CPEB3: variants seen among roughly 807,000 people sequenced by gnomAD.
CPEB3 encodes the protein cytoplasmic polyadenylation element-binding protein 3.
Under a neutral mutation model 67.2 loss-of-function variants are expected in CPEB3, and 20 were observed. The observed-to-expected ratio is 0.30, with a 90% CI of 0.21 to 0.43. The LOEUF is 0.43. CPEB3 is among the 20% of genes least tolerant of loss of function. The pLI, the probability that CPEB3 is intolerant of heterozygous loss-of-function variation, is 1.00. For synonymous variants in CPEB3, 376 were observed against 393.1 expected, an observed-to-expected ratio of 0.96 and a Z score of 0.51; for missense variants, 746 against 968.6, an observed-to-expected ratio of 0.77 and a Z score of 3.05.
intron 8 of CPEB3, among the ~76,000 whole-genome samples, chr10:92,081,746 AG>A (rs1390879779): frequency 6.6e-6 from 1 of 152,232 alleles, no homozygotes; most frequent in Non-Finnish European, 1.5e-5. Context: ...TTATATAATC[AG>A]AACTTTAGCA....
chr10:92,124,794 A>G (rs1389448783), intron 6 of CPEB3, among the ~76,000 whole-genome samples: 2 of 152,220 alleles, frequency 1.3e-5, no homozygotes, highest in African/African-American at 4.8e-5. Context: ...CAAGGGAAAA[A>G]ATGTGAAGTT....
intron 2 of CPEB3, among the ~76,000 whole-genome samples, chr10:92,199,467 T>G (rs1342873055): frequency 6.7e-6 from 1 of 148,342 alleles, no homozygotes; most frequent in Non-Finnish European, 1.5e-5. Flanking sequence ...CTGGATCAAG[T>G]AGATCAAGAG....
At chr10:92,258,169 G>C (rs527559427) in intron 1 of CPEB3, among the ~76,000 whole-genome samples, 1 of 146,538 alleles carries the variant, frequency 6.8e-6, no homozygotes, top group South Asian at 2.2e-4. Flanking sequence ...GTACCATCTC[G>C]GCTCACTGCA....
rs575200116 is a variant in CPEB3, at chr10:92,059,439, G to T, written c.1870-7000C>A. 4.0e-5 allele frequency among the ~76,000 whole-genome samples: 6 copies of T among 151,730 alleles called. No homozygotes were observed. In the East Asian group the frequency reaches 1.2e-3, roughly 29 times the overall value. ...AACTGAAAATTTTCTTGAAACAAATGATAATGAAAACACAACATACCAAAA... is the reference window on the plus strand; with the variant it reads ...AACTGAAAATTTTCTTGAAACAAATTATAATGAAAACACAACATACCAAAA... On this transcript the variant is annotated intron_variant, in intron 9 of 9. Coordinates refer to ENST00000265997, the MANE Select transcript of CPEB3 (RefSeq NM_014912.5).
intron 8 of CPEB3, among the ~76,000 whole-genome samples, chr10:92,084,856 G>C (rs1843309323): frequency 6.6e-6 from 1 of 152,132 alleles, no homozygotes; most frequent in Non-Finnish European, 1.5e-5. Flanking sequence ...TGAGATTACA[G>C]GTGTGAGCCA....
At chr10:92,254,037 T>C (rs1250391374) in intron 1 of CPEB3, among the ~76,000 whole-genome samples, 1 of 152,040 alleles carries the variant, frequency 6.6e-6, no homozygotes, top group Non-Finnish European at 1.5e-5. Flanking sequence ...GAGACCACCT[T>C]AGGCAATATA....
At chr10:92,153,454 T>C (rs923930941) in intron 4 of CPEB3, among the ~76,000 whole-genome samples, 8 of 152,212 alleles carry the variant, frequency 5.3e-5, no homozygotes, top group Non-Finnish European at 8.8e-5. Context: ...ATATTCTCCT[T>C]ACTGCTCTAT....
intron 4 of CPEB3, among the ~76,000 whole-genome samples, chr10:92,165,279 T>C (rs996010780): frequency 1.3e-5 from 2 of 151,908 alleles, no homozygotes; most frequent in Admixed American, 1.3e-4. Context: ...GCCACTGCAC[T>C]CCAGCCTGGG....
chr10:92,074,296 G>A (rs764166333), intron 9 of CPEB3, among the ~76,000 whole-genome samples: 5 of 151,980 alleles, frequency 3.3e-5, no homozygotes, highest in Admixed American at 6.6e-5. Flanking sequence ...ACTCATTCAC[G>A]CATTAATTCA....
intron 4 of CPEB3, among the ~76,000 whole-genome samples, chr10:92,157,110 C>T (rs530695802): frequency 3.3e-5 from 5 of 152,172 alleles, no homozygotes; most frequent in Non-Finnish European, 5.9e-5. Flanking sequence ...AAGTAAATTA[C>T]GACTCCTCCT....
At chr10:92,280,220 C>G (rs1842202074) in intron 1 of CPEB3, among the ~76,000 whole-genome samples, 1 of 151,484 alleles carries the variant, frequency 6.6e-6, no homozygotes. Flanking sequence ...ATGGCACACA[C>G]CTATAATCCC....
intron 1 of CPEB3, among the ~76,000 whole-genome samples, chr10:92,271,029 T>G (rs1308783968): frequency 1.3e-5 from 2 of 152,000 alleles, no homozygotes; most frequent in Non-Finnish European, 2.9e-5. Flanking sequence ...ATACAAAAAT[T>G]AGCCGGGCAT....
intron 2 of CPEB3, among the ~76,000 whole-genome samples, chr10:92,219,846 A>G (rs930514123): frequency 2.6e-5 from 4 of 152,216 alleles, no homozygotes; most frequent in Non-Finnish European, 5.9e-5. Context: ...GAGAAATTCT[A>G]GATCAAAATA....
rs545872299 is a variant in CPEB3, at chr10:92,258,036, C to T, written c.-11-17675G>A. Among the ~76,000 whole-genome samples, 5 of 151,702 alleles carry T rather than the reference C, an allele frequency of 3.3e-5. No individual in the cohort carries two copies. The East Asian group carries it at 9.7e-4, about 29-fold the overall frequency. The stretch of plus-strand genomic sequence containing the variant: ...TGAGTTATCGTGCCCGGCCTCTCAA[C>T]TCTTTCAATATGCCAAATAATATTA... On this transcript the variant is annotated intron_variant, in intron 1 of 9. Transcript: ENST00000265997.
intron 2 of CPEB3, among the ~76,000 whole-genome samples, chr10:92,215,873 C>A (rs956267895): frequency 6.6e-6 from 1 of 150,732 alleles, no homozygotes; most frequent in African/African-American, 2.4e-5. Context: ...CTCAGCCTCC[C>A]GAGTAGGCTG....
chr10:92,204,281 T>C (rs1340723792), intron 2 of CPEB3: 3 of 152,192 alleles, frequency 2.0e-5, no homozygotes, highest in Admixed American at 1.3e-4. Context: ...CGTGAACGCT[T>C]CTGCTGTGGC....
intron 4 of CPEB3, among the ~76,000 whole-genome samples, chr10:92,152,324 C>T (rs1294801514): frequency 6.6e-6 from 1 of 152,214 alleles, no homozygotes; most frequent in African/African-American, 2.4e-5. Context: ...TAGGCGACCA[C>T]TAATCTCCGT....
At chr10:92,192,362 C>T (rs1263964595) in intron 3 of CPEB3, 115 bp downstream of exon 3, 1 of 1,032,848 alleles carries the variant, frequency 9.7e-7, no homozygotes, top group Non-Finnish European at 1.4e-6. Context: ...CAATGCTTTA[C>T]AGAAGCAAAA....
intron 2 of CPEB3, chr10:92,216,589 G>T (rs1850412213): frequency 6.2e-7 from 1 of 1,610,820 alleles, no homozygotes; most frequent in African/African-American, 1.3e-5. Context: ...GAGACACACT[G>T]CCCATTGAGG....
Sources: gnomAD v4.1 joint callset for allele counts (sites outside exome capture counted in the v4.1 genomes callset) on GRCh38, gnomAD v4.1.1 for gene constraint, MANE v1.5 for transcripts, NCBI Gene and HGNC (gene_info 2026-07-23, HGNC 2026-07-21) for gene names.